B4GALNT4: variants seen among roughly 807,000 people sequenced by gnomAD.
The protein encoded by B4GALNT4 is N-acetyl-beta-glucosaminyl-glycoprotein 4-beta-N-acetylgalactosaminyltransferase 1.
Under a neutral mutation model 110.0 loss-of-function variants are expected in B4GALNT4, and 77 were observed. The ratio of observed to expected loss-of-function variants is 0.70; its 90% CI spans 0.58 to 0.85. B4GALNT4 has a LOEUF of 0.85. B4GALNT4 is among the 40% of genes least tolerant of loss of function. The probability of loss-of-function intolerance (pLI) is 0.00; values close to 1 mark genes in which losing one functional copy is unlikely to be tolerated. For synonymous variants in B4GALNT4, 785 were observed against 655.5 expected, an observed-to-expected ratio of 1.20 and a Z score of -3.02; for missense variants, 1,575 against 1,506.0, an observed-to-expected ratio of 1.05 and a Z score of -0.76.
Position 372,512 on chromosome 11 carries a change from A to T in B4GALNT4, c.256-150A>T, listed in dbSNP as rs1286134601. 9.2e-6 allele frequency: 7 copies of T among 759,016 alleles called. No homozygotes were observed. In the Admixed American group the frequency reaches 1.5e-4, roughly 16 times the overall value. The allele number at this position is 759,016 out of a possible 1,614,324, so 47.0% of individuals were successfully genotyped here. A position where few individuals can be genotyped will look rare whatever the true frequency, so the allele number is the denominator to read the frequency against. On this transcript the variant is annotated intron_variant, in intron 2 of 19. Transcript: ENST00000329962. ...TGTCTGAGTGTATGTGCCAGGTGCC[A>T]CAGGTCAGGGTTTGCATGGCTGGGG...
intron 14 of B4GALNT4, among the ~76,000 whole-genome samples, chr11:379,155 G>A (rs1245683646): frequency 6.6e-6 from 1 of 152,248 alleles, no homozygotes; most frequent in Non-Finnish European, 1.5e-5. Context: ...CCTGGGACGT[G>A]AGTGGTGGCC....
chr11:372,141 C>G lies in B4GALNT4; in HGVS notation c.184C>G (p.Arg62Gly). ...GAAGCTGACCAGTGAGACCGACGGC[C>G]GGGGGGTCCACGCTGCGCCATCCAC... ...GEKLTSETDG[R>G]GVHAAPSTQR... Residue 62 changes from arginine (R) to glycine (G), a missense_variant, in exon 2 of 20, where the codon CGG (arginine) becomes GGG (glycine). Transcript: ENST00000329962. 1 of 1,549,292 alleles carries G rather than the reference C, an allele frequency of 6.5e-7. No homozygotes were observed. The highest frequency in any genetic ancestry group is 8.7e-7 in the Non-Finnish European group (1 of 1,146,520).
rs755592308 is a variant in B4GALNT4, at chr11:376,100, C to T, written c.1122C>T (p.Asn374=). The change falls in exon 12 of 20, where the codon AAC becomes AAT. Residue 374 remains asparagine (N), a synonymous_variant. Coordinates refer to ENST00000329962, the MANE Select transcript of B4GALNT4 (RefSeq NM_178537.5). ...QFVYLSFVYP[N]DYTRLTHMET... is the part of the protein sequence containing the mutation. ...TGTACCTGTCCTTCGTTTATCCCAACGACTACACTCGCCTCACCCACATGG... is the reference window on the plus strand; with the variant it reads ...TGTACCTGTCCTTCGTTTATCCCAATGACTACACTCGCCTCACCCACATGG... The T allele has an allele frequency of 2.4e-5, 39 of 1,609,938 alleles. No homozygotes were observed. The highest frequency in any genetic ancestry group is 1.6e-4 in the Middle Eastern group (1 of 6,080).
Position 380,912 on chromosome 11 carries a change from G to A in B4GALNT4, c.2957G>A (p.Arg986Gln), listed in dbSNP as rs1484353641. ...RVGGMNTEEF[R>Q]DQWGGEDWEL... ...GGAGGAATGAACACGGAGGAGTTCC[G>A]AGACCAGTGGGGGGGTGAAGACTGG... Residue 986 changes from arginine to glutamine, a missense_variant, in exon 19 of 20, where the codon CGA (arginine) becomes CAA (glutamine). Physicochemically the swap from Arg to Gln is conservative, Grantham distance 43. Transcript: ENST00000329962. 3 of 1,613,562 alleles carry A rather than the reference G, an allele frequency of 1.9e-6. No homozygotes were observed. Among genetic ancestry groups the A allele is most frequent in the Non-Finnish European group, 8.5e-7 (1 of 1,179,782 alleles).
chr11:373,403 A>AATGTTGGGG, intron 6 of B4GALNT4, 46 bp from the exon 7 acceptor site: 1 of 1,259,488 alleles, frequency 7.9e-7, no homozygotes, highest in Non-Finnish European at 1.1e-6. Context: ...CCAGGGAGAG[A>AATGTTGGGG]GTGAACCCCC....
In B4GALNT4 at chr11:373,509, C is replaced by A. The variant is rs754713999; in HGVS notation, c.697C>A (p.Pro233Thr). 9 of 1,610,668 alleles carry A rather than the reference C, an allele frequency of 5.6e-6. No individual in the cohort carries two copies. The East Asian group carries it at 2.0e-4, about 36-fold the overall frequency. ...FTKFSSQVSK[P>T]RRLMASRRYY... Reference sequence around the variant, plus strand: ...CAAGTTCAGCTCCCAGGTGTCCAAGCCCAGGCGGTGAGTGACTGTGGGGTG... The same window carrying A: ...CAAGTTCAGCTCCCAGGTGTCCAAGACCAGGCGGTGAGTGACTGTGGGGTG... Residue 233 changes from proline to threonine, a missense_variant, in exon 7 of 20, where the codon CCC (proline) becomes ACC (threonine). Physicochemically the swap from Pro to Thr is conservative, Grantham distance 38. Coordinates refer to ENST00000329962, the MANE Select transcript of B4GALNT4 (RefSeq NM_178537.5).
Position 373,203 on chromosome 11 carries a change from T to C in B4GALNT4, c.548T>C (p.Phe183Ser). The change falls in exon 6 of 20, where the codon TTT becomes TCT. Residue 183 changes from phenylalanine to serine, a missense_variant. Physicochemically the swap from Phe to Ser is radical, Grantham distance 155. Coordinates refer to ENST00000329962, the MANE Select transcript of B4GALNT4 (RefSeq NM_178537.5). ...IHPARDGDVQFSVASDDNSEF... is the reference protein window; with the variant it reads ...IHPARDGDVQSSVASDDNSEF... ...TCTTGTGGACTAGGAGACGTCCAGT[T>C]TTCTGTGGCCTCAGACGACAACTCG... is the stretch of plus-strand genomic sequence containing the variant. The C allele has an allele frequency of 6.2e-7, 1 of 1,612,168 alleles. No individual in the cohort carries two copies. Among genetic ancestry groups the C allele is most frequent in the Non-Finnish European group, 8.5e-7 (1 of 1,179,610 alleles).
intron 1 of B4GALNT4, among the ~76,000 whole-genome samples, chr11:370,401 G>C (rs1214270304): frequency 6.6e-6 from 1 of 151,744 alleles, no homozygotes; most frequent in Non-Finnish European, 1.5e-5. Flanking sequence ...CTGGGGACCC[G>C]GGCCGGGGCT....
chr11:370,409 G>C (rs1007389640), intron 1 of B4GALNT4, among the ~76,000 whole-genome samples: 1 of 152,026 alleles, frequency 6.6e-6, no homozygotes, highest in South Asian at 2.1e-4. Context: ...CCGGGCCGGG[G>C]CTTGCTGAAG....
rs763593844 is a variant in B4GALNT4, at chr11:380,280, C to G, written c.2716-12C>G. 3 of 1,612,134 alleles carry G rather than the reference C, an allele frequency of 1.9e-6. No individual in the cohort carries two copies. Among genetic ancestry groups the G allele is most frequent in the Non-Finnish European group, 2.5e-6 (3 of 1,179,246 alleles). On this transcript the variant is annotated splice_polypyrimidine_tract_variant and intron_variant, in intron 17 of 19. Coordinates refer to ENST00000329962, the MANE Select transcript of B4GALNT4 (RefSeq NM_178537.5). ...AGCGGAGGGCGGGGCTCAGACCTCC[C>G]GCACCCCCCAGGACGCCAGCAGCAT...
At chr11:371,794 G>T (rs1325427897) in intron 1 of B4GALNT4, among the ~76,000 whole-genome samples, 2 of 152,246 alleles carry the variant, frequency 1.3e-5, no homozygotes, top group Non-Finnish European at 2.9e-5. Context: ...GGAGGTGCAT[G>T]TGGGTGCCTA....
At chr11:379,843 C>CCA in intron 15 of B4GALNT4, 23 bp from the exon 16 acceptor site, 1 of 1,574,062 alleles carries the variant, frequency 6.4e-7, no homozygotes, top group Non-Finnish European at 8.6e-7. Flanking sequence ...GGCTCAGCGC[C>CCA]CCCCCCGCCT....
At position 375,714 on chromosome 11, in the gene B4GALNT4, C is replaced by T; in HGVS notation, c.926C>T (p.Pro309Leu). ...GCCAGCCACGTGGGGGGGCGTCCGC[C>T]GCAGGAGGAGACCAGCGCAGACATG... Reference protein sequence around the residue: ...SPASHVGGRPPQEETSADMLR... With the variant: ...SPASHVGGRPLQEETSADMLR... The change falls in exon 10 of 20, where the codon CCG becomes CTG. Residue 309 changes from proline (P) to leucine (L), a missense_variant. Coordinates refer to ENST00000329962, the MANE Select transcript of B4GALNT4 (RefSeq NM_178537.5). 15 of 1,595,406 alleles carry T rather than the reference C, an allele frequency of 9.4e-6. No individual in the cohort carries two copies. Among genetic ancestry groups the T allele is most frequent in the Non-Finnish European group, 1.3e-5 (15 of 1,175,342 alleles).
rs1846759154 is a variant in B4GALNT4, at chr11:376,575, C to T, written c.1452C>T (p.Asp484=). Residue 484 remains aspartate (D), a synonymous_variant, in exon 14 of 20, where the codon GAC becomes GAT. Transcript: ENST00000329962. The part of the protein sequence containing the change: ...LAPPTPPRPR[D]GGTPRHSRAL... ...CGCCGACCCCTCCCCGCCCCCGGGA[C>T]GGGGGGACCCCCAGGCACTCCCGGG... The T allele has an allele frequency of 1.5e-6, 2 of 1,352,350 alleles. No individual in the cohort carries two copies. Among genetic ancestry groups the T allele is most frequent in the East Asian group, 3.3e-5 (1 of 30,658 alleles). The allele number at this position is 1,352,350 out of a possible 1,614,324, so 83.8% of individuals were successfully genotyped here.
At chr11:371,360 C>T (rs1275834809) in intron 1 of B4GALNT4, among the ~76,000 whole-genome samples, 2 of 152,158 alleles carry the variant, frequency 1.3e-5, no homozygotes, top group East Asian at 1.9e-4. Context: ...CCCCACAAGC[C>T]TGGGCAGGCC....
rs902499502 is a variant in B4GALNT4, at chr11:376,840, C to G, written c.1717C>G (p.Arg573Gly). Reference protein sequence around the residue: ...VQLRAPPRPPRPHGRRTGGPQ... With the variant: ...VQLRAPPRPPGPHGRRTGGPQ... ...GCTGCGGGCGCCCCCACGCCCACCCCGGCCCCACGGCCGCAGGACCGGCGG... is the reference window on the plus strand; with the variant it reads ...GCTGCGGGCGCCCCCACGCCCACCCGGGCCCCACGGCCGCAGGACCGGCGG... Residue 573 changes from arginine (R) to glycine (G), a missense_variant, in exon 14 of 20, where the codon CGG becomes GGG. Arg to Gly is a moderately radical substitution (Grantham distance 125, BLOSUM62 -2). Transcript: ENST00000329962. The G allele has an allele frequency of 1.6e-4, 209 of 1,326,402 alleles. No individual in the cohort carries two copies. Among genetic ancestry groups the G allele is most frequent in the Non-Finnish European group, 2.0e-4 (205 of 1,038,960 alleles). 82.2% of individuals were successfully genotyped at this position (1,326,402 alleles called of 1,614,324 possible).
chr11:370,456 C>G (rs571328275), intron 1 of B4GALNT4, among the ~76,000 whole-genome samples: 1 of 152,012 alleles, frequency 6.6e-6, no homozygotes, highest in Non-Finnish European at 1.5e-5. Context: ...GGCGGGGGCG[C>G]CTTCGGTGAA....
In B4GALNT4 at chr11:380,694, C is replaced by T. The variant is rs550145690; in HGVS notation, c.2870-131C>T. 1.3e-4 allele frequency: 195 copies of T among 1,454,076 alleles called. 1 individual carries two copies. In the African/African-American group the frequency reaches 2.6e-3, roughly 20 times the overall value. 90.1% of individuals were successfully genotyped at this position (1,454,076 alleles called of 1,614,324 possible). A position where few individuals can be genotyped will look rare whatever the true frequency, so the allele number is the denominator to read the frequency against. ...AGGGTCATGACCCAGTACCACCGGA[C>T]GACTCCCGGAAGCCCCCGTGGTGAT... On this transcript the variant is annotated intron_variant, in intron 18 of 19. Transcript: ENST00000329962.
rs563575396 is a variant in B4GALNT4 at position 379,849 on chromosome 11, C to A, written c.2489-17C>A. ...GTCAGCGTCGGCTCAGCGCCCCCCCCGCCTTTTCTCCTCCAGTGAAAAACC... is the reference window on the plus strand; with the variant it reads ...GTCAGCGTCGGCTCAGCGCCCCCCCAGCCTTTTCTCCTCCAGTGAAAAACC... On this transcript the variant is annotated splice_polypyrimidine_tract_variant and intron_variant, in intron 15 of 19. Transcript: ENST00000329962. 1.9e-6 allele frequency: 3 copies of A among 1,579,442 alleles called. No homozygotes were observed. The highest frequency in any genetic ancestry group is 1.1e-5 in the South Asian group (1 of 87,224).
Sources: gnomAD v4.1 joint callset for allele counts (sites outside exome capture counted in the v4.1 genomes callset) on GRCh38, gnomAD v4.1.1 for gene constraint, MANE v1.5 for transcripts, NCBI Gene and HGNC (gene_info 2026-07-23, HGNC 2026-07-21) for gene names.